The following GDPD3 variants were observed in gnomAD, a reference collection of about 807,000 sequenced individuals.
GDPD3 encodes the protein lysophospholipase D GDPD3.
GDPD3 carries 40 observed loss-of-function variants against 43.7 expected under a neutral mutation model. That is an observed-to-expected ratio of 0.91 (90% CI 0.71 to 1.19). GDPD3 has a LOEUF of 1.19. GDPD3 is among the 50% of genes most tolerant of loss of function. GDPD3 has a pLI of 0.00. For missense variants in GDPD3, 363 were observed against 415.8 expected (o/e 0.87, Z 1.11); for synonymous variants, 145 against 162.9 (o/e 0.89, Z 0.84).
chr16:30,108,493 G>A (rs2072876186), intron 7 of GDPD3, 61 bp from the exon 8 acceptor site: 1 of 1,531,130 alleles, frequency 6.5e-7, no homozygotes, highest in Non-Finnish European at 9.0e-7. Context: ...GAGGTGGGGT[G>A]GGCTGGTAGT....
chr16:30,111,356 G>T (rs1374777133), intron 7 of GDPD3, 32 bp downstream of exon 7: 2 of 1,610,816 alleles, frequency 1.2e-6, no homozygotes, highest in Non-Finnish European at 1.7e-6. Context: ...AAGCAGTGGG[G>T]AGTTTTTCTG....
At position 30,111,404 on chromosome 16, in the gene GDPD3, G is replaced by A; in HGVS notation, c.691C>T (p.Pro231Ser). The A allele has an allele frequency of 6.2e-7, 1 of 1,613,970 alleles. No homozygotes were observed. The change falls in exon 7 of 10, where the codon CCC becomes TCC. Residue 231 changes from proline (P) to serine (S), a missense_variant. Physicochemically the swap from Pro to Ser is moderately conservative, Grantham distance 74. Coordinates refer to ENST00000406256, the MANE Select transcript of GDPD3 (RefSeq NM_024307.3). ...IPEKFFFCFL[P>S]NIINRTYFPF... ...CACTGGTACCTGTTGATGATGTTGG[G>A]CAGGAAGCAGAAGAAGAACTTCTCA...
At position 30,113,492 on chromosome 16, in the gene GDPD3, C is replaced by A; in HGVS notation, c.-14G>T. On this transcript the variant is annotated 5_prime_UTR_variant, in exon 1 of 10. Transcript: ENST00000406256. The surrounding 1 kb of genome is among the most constrained non-coding windows in gnomAD (Gnocchi z 5.9). ...CAAAAGGCTCATGACCGTACTCCCA[C>A]AGAAGCTCCTGCAGCCACACGCTCA... 2 of 1,533,168 alleles carry A rather than the reference C, an allele frequency of 1.3e-6. No individual in the cohort carries two copies. Among genetic ancestry groups the A allele is most frequent in the Non-Finnish European group, 1.8e-6 (2 of 1,133,344 alleles). The allele number at this position is 1,533,168 out of a possible 1,614,324, so 95.0% of individuals were successfully genotyped here.
intron 7 of GDPD3, among the ~76,000 whole-genome samples, chr16:30,108,776 T>C (rs2072878166): frequency 6.6e-6 from 1 of 152,082 alleles, no homozygotes; most frequent in African/African-American, 2.4e-5. Flanking sequence ...CTGCAGGCCC[T>C]CCTGGTTGGG....
chr16:30,111,379 C>T lies in GDPD3; in HGVS notation c.707+9G>A, dbSNP rs370852305. ...GGGAGTTTTTCTGAGGTCCGCCCCCCACTGGTACCTGTTGATGATGTTGGG... is the reference window on the plus strand; with the variant it reads ...GGGAGTTTTTCTGAGGTCCGCCCCCTACTGGTACCTGTTGATGATGTTGGG... On this transcript the variant is annotated intron_variant, in intron 7 of 9. Transcript: ENST00000406256. 7.4e-6 allele frequency: 12 copies of T among 1,613,450 alleles called. No homozygotes were observed. The highest frequency in any genetic ancestry group is 2.2e-5 in the East Asian group (1 of 44,882).
At chr16:30,105,776 T>G (rs962345618) in intron 9 of GDPD3, among the ~76,000 whole-genome samples, 1 of 147,586 alleles carries the variant, frequency 6.8e-6, no homozygotes, top group African/African-American at 2.5e-5. Flanking sequence ...GTGCTGGGAT[T>G]ACAGGTGTGA....
chr16:30,112,493 CCA>C lies in GDPD3; in HGVS notation c.364+28_364+29del. 6.2e-7 allele frequency: 1 copy of C among 1,613,976 alleles called. No individual in the cohort carries two copies. The highest frequency in any genetic ancestry group is 8.5e-7 in the Non-Finnish European group (1 of 1,179,882). On this transcript the variant is annotated intron_variant, in intron 4 of 9. Transcript: ENST00000406256. The surrounding 1 kb of genome is among the most constrained non-coding windows in gnomAD (Gnocchi z 5.4). ...GAGGTCCAAGGAAGGCAGGCATGGC[CCA>C]GGCAGGGCTCGAAGCCCTTGCTCTC...
rs61764618 is a variant in GDPD3 at position 30,113,526 on chromosome 16, C to T, written c.-48G>A. The stretch of plus-strand genomic sequence containing the variant: ...CTGCAGCCACACGCTCAGCCGTCCG[C>T]GGGACTGTGCTGCCTGCCTAGCCAG... On this transcript the variant is annotated 5_prime_UTR_variant, in exon 1 of 10. Coordinates refer to ENST00000406256, the MANE Select transcript of GDPD3 (RefSeq NM_024307.3). This position sits in a 1 kb window ranked among gnomAD's most constrained non-coding sequence, Gnocchi z 5.9. 48,768 of 1,488,856 alleles carry T rather than the reference C, an allele frequency of 0.033. 928 individuals are homozygous for T. The highest frequency in any genetic ancestry group is 0.038 in the Non-Finnish European group (42,744 of 1,110,784). The allele number at this position is 1,488,856 out of a possible 1,614,324, so 92.2% of individuals were successfully genotyped here. A position where few individuals can be genotyped will look rare whatever the true frequency, so the allele number is the denominator to read the frequency against.
rs1252453997 is a variant in GDPD3, at chr16:30,108,208, C to G, written c.819+5G>C. On this transcript the variant is annotated splice_donor_5th_base_variant and intron_variant, in intron 9 of 9. Transcript: ENST00000406256. Reference sequence around the variant, plus strand: ...GTGCGGTGGAAGTGGTGGTCACGGCCTCACCTGCACCCCTCGCTCCTCCAA... The same window carrying G: ...GTGCGGTGGAAGTGGTGGTCACGGCGTCACCTGCACCCCTCGCTCCTCCAA... The G allele has an allele frequency of 1.3e-6, 2 of 1,589,432 alleles. No individual in the cohort carries two copies. The highest frequency in any genetic ancestry group is 1.7e-6 in the Non-Finnish European group (2 of 1,165,278).
At chr16:30,105,108 G>C in intron 9 of GDPD3, 99 bp from the exon 10 acceptor site, 1 of 943,472 alleles carries the variant, frequency 1.1e-6, no homozygotes, top group Non-Finnish European at 1.6e-6. Context: ...AGCAGCAGTA[G>C]GCTGGAGCTG....
At chr16:30,110,287 C>T (rs1328226322) in intron 7 of GDPD3, among the ~76,000 whole-genome samples, 3 of 151,710 alleles carry the variant, frequency 2.0e-5, no homozygotes, top group Non-Finnish European at 2.9e-5. Flanking sequence ...AAAAATTAGC[C>T]GGGTGTGGTG....
At chr16:30,109,033 T>C in intron 7 of GDPD3, among the ~76,000 whole-genome samples, 1 of 152,076 alleles carries the variant, frequency 6.6e-6, no homozygotes, top group East Asian at 1.9e-4. Flanking sequence ...GGTTTCACCC[T>C]GTTAGCCAGG....
chr16:30,105,061 GA>G, intron 9 of GDPD3, 52 bp from the exon 10 acceptor site: 2 of 1,498,042 alleles, frequency 1.3e-6, no homozygotes, highest in Non-Finnish European at 1.8e-6. Flanking sequence ...TACATCTGGA[GA>G]GTGGGGACCC....
intron 7 of GDPD3, 67 bp downstream of exon 7, chr16:30,111,321 T>C (rs1596872316): frequency 6.4e-7 from 1 of 1,556,370 alleles, no homozygotes; most frequent in East Asian, 2.3e-5. Flanking sequence ...TGGGAAGATC[T>C]GGGCTCCTTC....
rs965291638 is a variant in GDPD3 at position 30,112,493 on chromosome 16, C to G, written c.364+30G>C. 3 of 1,613,976 alleles carry G rather than the reference C, an allele frequency of 1.9e-6. No homozygotes were observed. The highest frequency in any genetic ancestry group is 2.5e-6 in the Non-Finnish European group (3 of 1,179,882). Reference sequence around the variant, plus strand: ...GAGGTCCAAGGAAGGCAGGCATGGCCCAGGCAGGGCTCGAAGCCCTTGCTC... The same window carrying G: ...GAGGTCCAAGGAAGGCAGGCATGGCGCAGGCAGGGCTCGAAGCCCTTGCTC... On this transcript the variant is annotated intron_variant, in intron 4 of 9. Transcript: ENST00000406256. The surrounding 1 kb of genome is among the most constrained non-coding windows in gnomAD (Gnocchi z 5.4).
chr16:30,110,610 G>C (rs942683835), intron 7 of GDPD3: 2 of 151,870 alleles, frequency 1.3e-5, no homozygotes, highest in Non-Finnish European at 2.9e-5. Flanking sequence ...AGGGGCTCAG[G>C]TATGTAATCC....
intron 7 of GDPD3, among the ~76,000 whole-genome samples, chr16:30,108,836 A>C (rs1035948212): frequency 1.4e-5 from 2 of 146,106 alleles, no homozygotes. Flanking sequence ...ATTTAAATTA[A>C]TTTTTTTTTT....
Position 30,113,030 on chromosome 16 carries a change from G to A in GDPD3, c.174C>T (p.Ala58=). The change falls in exon 2 of 10, where the codon GCC becomes GCT. Residue 58 remains alanine, a synonymous_variant. Coordinates refer to ENST00000406256, the MANE Select transcript of GDPD3 (RefSeq NM_024307.3). This position sits in a 1 kb window ranked among gnomAD's most constrained non-coding sequence, Gnocchi z 5.9. ...GGGGCAGATACACTCACTTCTCCATGGCCTCCATGGTGTTCTCCAGCAGCT... is the reference window on the plus strand; with the variant it reads ...GGGGCAGATACACTCACTTCTCCATAGCCTCCATGGTGTTCTCCAGCAGCT... ...SGELLENTME[A]MENSMAQRSD... The A allele has an allele frequency of 6.2e-7, 1 of 1,613,370 alleles. No individual in the cohort carries two copies. Among genetic ancestry groups the A allele is most frequent in the Non-Finnish European group, 8.5e-7 (1 of 1,179,694 alleles).
rs1465776500 is a variant in GDPD3, at chr16:30,108,203, AC to A, written c.819+9del. 1.3e-6 allele frequency: 2 copies of A among 1,580,754 alleles called. No homozygotes were observed. Among genetic ancestry groups the A allele is most frequent in the Non-Finnish European group, 1.7e-6 (2 of 1,160,060 alleles). ...TCTGTGTGCGGTGGAAGTGGTGGTCACGGCCTCACCTGCACCCCTCGCTCCT... is the reference window on the plus strand; with the variant it reads ...TCTGTGTGCGGTGGAAGTGGTGGTCAGGCCTCACCTGCACCCCTCGCTCCT... On this transcript the variant is annotated intron_variant, in intron 9 of 9. Transcript: ENST00000406256.
Sources: allele counts gnomAD v4.1 joint callset (sites outside exome capture counted in the v4.1 genomes callset), GRCh38; gene constraint gnomAD v4.1.1; non-coding constraint Gnocchi (gnomAD v3.1); transcripts MANE v1.5; gene names NCBI Gene and HGNC (gene_info 2026-07-23, HGNC 2026-07-21).